TCEA3: variants seen among roughly 807,000 people sequenced by gnomAD.
The protein encoded by TCEA3 is transcription elongation factor A protein 3.
Under a neutral mutation model 44.0 loss-of-function variants are expected in TCEA3, and 36 were observed. The observed-to-expected ratio is 0.82, with a 90% CI of 0.63 to 1.08. The LOEUF is 1.08. Ranked by LOEUF, TCEA3 falls within the 50% of genes least tolerant of loss-of-function variation. TCEA3 has a pLI of 0.00. For synonymous variants in TCEA3, 162 were observed against 159.7 expected (o/e 1.01, Z -0.11); for missense variants, 392 against 441.2 (o/e 0.89, Z 1.00).
intron 1 of TCEA3, chr1:23,423,890 C>T: frequency 2.2e-6 from 1 of 455,934 alleles, no homozygotes; most frequent in Non-Finnish European, 4.4e-6. Flanking sequence ...CCTCCGCCCT[C>T]GCCCTCGCTG....
intron 7 of TCEA3, among the ~76,000 whole-genome samples, chr1:23,394,445 T>C (rs1196508767): frequency 2.0e-5 from 3 of 152,112 alleles, no homozygotes; most frequent in Non-Finnish European, 4.4e-5. Flanking sequence ...ATGCTCAACA[T>C]GTATGGGCTG....
At chr1:23,408,813 G>A (rs1639629493) in intron 4 of TCEA3, 87 bp from the exon 5 acceptor site, 2 of 1,340,678 alleles carry the variant, frequency 1.5e-6, no homozygotes, top group Non-Finnish European at 2.1e-6. Flanking sequence ...CCTGGGAAAA[G>A]GCCAGCTGGC....
At chr1:23,417,483 G>A (rs1023069427) in intron 3 of TCEA3, 93 bp from the exon 4 acceptor site, 51 of 1,488,200 alleles carry the variant, frequency 3.4e-5, no homozygotes, top group South Asian at 9.7e-5. Context: ...GGGCAGGGAC[G>A]AGGACAGCTG....
chr1:23,408,628 G>C (rs1198340741), intron 5 of TCEA3, 36 bp downstream of exon 5: 1 of 1,595,810 alleles, frequency 6.3e-7, no homozygotes, highest in South Asian at 1.1e-5. Context: ...AGGCTGAATA[G>C]GACACTGGGA....
At chr1:23,422,020 G>A (rs1640079503) in intron 1 of TCEA3, among the ~76,000 whole-genome samples, 1 of 152,190 alleles carries the variant, frequency 6.6e-6, no homozygotes. Context: ...ACATACAAAT[G>A]GGTTCTGTAG....
chr1:23,403,112 G>A (rs1214929188), intron 5 of TCEA3, among the ~76,000 whole-genome samples: 3 of 152,252 alleles, frequency 2.0e-5, no homozygotes, highest in Non-Finnish European at 2.9e-5. Flanking sequence ...TGACCTGTGC[G>A]TGCCATTGCA....
At chr1:23,418,615 T>A (rs1639965014) in intron 2 of TCEA3, among the ~76,000 whole-genome samples, 1 of 152,130 alleles carries the variant, frequency 6.6e-6, no homozygotes. Flanking sequence ...GCCAGCTCAC[T>A]CTAGTGTCTT....
rs376179990 is a variant in TCEA3 at position 23,386,760 on chromosome 1, G to A, written c.966+513C>T. Among the ~76,000 whole-genome samples the A allele has an allele frequency of 2.4e-4, 36 of 151,722 alleles. No homozygotes were observed. In the East Asian group the frequency reaches 5.5e-3, roughly 23 times the overall value. On this transcript the variant is annotated intron_variant, in intron 9 of 10. Transcript: ENST00000450454. ...CTTTCAGATGGAGTCTCACTCTGTC[G>A]CCCAAGCTGGAGTGCAGTGGCATGA...
chr1:23,403,393 T>G (rs1161202389), intron 5 of TCEA3: 2 of 152,172 alleles, frequency 1.3e-5, no homozygotes, highest in Non-Finnish European at 1.5e-5. Context: ...GGAATAATAA[T>G]AGTACCCATC....
chr1:23,419,146 G>C lies in TCEA3; in HGVS notation c.70-7C>G. On this transcript the variant is annotated splice_region_variant and splice_polypyrimidine_tract_variant and intron_variant, in intron 1 of 10. Transcript: ENST00000450454. ...GAAGGTCCAGGGCCCCTTCCTGTGGGAGGCCACAAGGTGAGGACTGGGGCC... is the reference window on the plus strand; with the variant it reads ...GAAGGTCCAGGGCCCCTTCCTGTGGCAGGCCACAAGGTGAGGACTGGGGCC... 5 of 1,589,560 alleles carry C rather than the reference G, an allele frequency of 3.1e-6. No individual in the cohort carries two copies. The highest frequency in any genetic ancestry group is 4.3e-6 in the Non-Finnish European group (5 of 1,167,610).
chr1:23,400,170 T>C (rs559682037), intron 5 of TCEA3, among the ~76,000 whole-genome samples: 2 of 152,312 alleles, frequency 1.3e-5, no homozygotes, highest in Admixed American at 1.3e-4. Flanking sequence ...CATTTACCAC[T>C]GCTCTGCTGT....
At chr1:23,398,323 A>G (rs903101062) in intron 5 of TCEA3, among the ~76,000 whole-genome samples, 2 of 152,222 alleles carry the variant, frequency 1.3e-5, no homozygotes, top group South Asian at 2.1e-4. Flanking sequence ...TAACACCACC[A>G]ATAATTATAT....
intron 5 of TCEA3, among the ~76,000 whole-genome samples, chr1:23,399,969 C>T (rs190268508): frequency 6.6e-6 from 1 of 152,192 alleles, no homozygotes; most frequent in Non-Finnish European, 1.5e-5. Context: ...AGCTACTGTG[C>T]CCGGCCAAAA....
At chr1:23,410,615 A>G (rs1205613286) in intron 4 of TCEA3, among the ~76,000 whole-genome samples, 1 of 151,946 alleles carries the variant, frequency 6.6e-6, no homozygotes, top group Non-Finnish European at 1.5e-5. Flanking sequence ...CAGCCTGGCC[A>G]ACATGGTGAA....
rs77063766 is a variant in TCEA3 at position 23,394,136 on chromosome 1, G to A, written c.665-103C>T. 1,028 of 1,382,244 alleles carry A rather than the reference G, an allele frequency of 7.4e-4. 1 individual carries two copies. Among genetic ancestry groups the A allele is most frequent in the Non-Finnish European group, 9.7e-4 (995 of 1,026,036 alleles). The allele number at this position is 1,382,244 out of a possible 1,614,324, so 85.6% of individuals were successfully genotyped here. Reference sequence around the variant, plus strand: ...TCCAGAACCCTTTCTTCCTCTCCTCGGACTTCTACAGGAGTTGGGCCCCTC... The same window carrying A: ...TCCAGAACCCTTTCTTCCTCTCCTCAGACTTCTACAGGAGTTGGGCCCCTC... On this transcript the variant is annotated intron_variant, in intron 7 of 10. Transcript: ENST00000450454.
intron 10 of TCEA3, chr1:23,383,957 C>T (rs911591756): frequency 1.1e-5 from 12 of 1,050,884 alleles, no homozygotes; most frequent in Non-Finnish European, 1.3e-5. Flanking sequence ...CCATCCTTGG[C>T]TGTGGCCAGG....
At chr1:23,416,000 C>CT (rs768819564) in intron 4 of TCEA3, among the ~76,000 whole-genome samples, 2,082 of 118,696 alleles carry the variant, frequency 0.018, 44 homozygotes, top group African/African-American at 0.043. Context: ...CTACATTTTC[C>CT]TTTTTTTTTT....
intron 7 of TCEA3, among the ~76,000 whole-genome samples, chr1:23,394,297 T>G (rs2148555305): frequency 6.6e-6 from 1 of 152,302 alleles, no homozygotes; most frequent in East Asian, 1.9e-4. Flanking sequence ...ACCAGGACCC[T>G]GGGTTTGTCT....
rs543335317 is a variant in TCEA3 at position 23,391,469 on chromosome 1, G to A, written c.819+2410C>T. Among the ~76,000 whole-genome samples, 4 of 152,196 alleles carry A rather than the reference G, an allele frequency of 2.6e-5. No homozygotes were observed. The South Asian group carries it at 8.3e-4, about 32-fold the overall frequency. ...GAGGTGATTAGCTCTCAAGGGCAGA[G>A]CTCTGGTGCAGGGGATTAGTGCTCC... is the stretch of plus-strand genomic sequence containing the variant. On this transcript the variant is annotated intron_variant, in intron 8 of 10. Coordinates refer to ENST00000450454, the MANE Select transcript of TCEA3 (RefSeq NM_003196.3).
Sources: gnomAD v4.1 joint callset for allele counts (sites outside exome capture counted in the v4.1 genomes callset) on GRCh38, gnomAD v4.1.1 for gene constraint, MANE v1.5 for transcripts, NCBI Gene and HGNC (gene_info 2026-07-23, HGNC 2026-07-21) for gene names.